Variants in TMCC1 observed in about 807,000 individuals in gnomAD.
The protein encoded by TMCC1 is transmembrane and coiled-coil domains protein 1.
A neutral mutation model predicts 52.4 loss-of-function variants in TMCC1; 15 were observed. That is an observed-to-expected ratio of 0.29 (90% CI 0.19 to 0.44). The LOEUF (loss-of-function observed/expected upper bound fraction) is 0.44. Ranked by LOEUF, TMCC1 falls within the 20% of genes least tolerant of loss-of-function variation. TMCC1 has a pLI of 1.00. For synonymous variants in TMCC1, 279 were observed against 301.9 expected (o/e 0.92, Z 0.79); for missense variants, 503 against 806.0 (o/e 0.62, Z 4.55).
At position 129,828,286 on chromosome 3, in the gene TMCC1, T is replaced by A; in HGVS notation, c.93A>T (p.Glu31Asp). The change falls in exon 4 of 7, where the codon GAA (glutamate) becomes GAT (aspartate). Residue 31 changes from glutamate to aspartate, a missense_variant. Glu to Asp is a conservative substitution (Grantham distance 45). This residue lies in a region of TMCC1 where 217 missense variants were observed against 297.9 expected (regional missense o/e 0.73). Coordinates refer to ENST00000393238, the MANE Select transcript of TMCC1 (RefSeq NM_001017395.5). This position sits in a 1 kb window ranked among gnomAD's most constrained non-coding sequence, Gnocchi z 4.1. ...DAEARKQTESEQKLSKMTHNA... is the reference protein window; with the variant it reads ...DAEARKQTESDQKLSKMTHNA... ...TGTGGGTCATTTTAGACAATTTTTGTTCTGATTCTGTCTGCTTTCTGGCCT... is the reference window on the plus strand; with the variant it reads ...TGTGGGTCATTTTAGACAATTTTTGATCTGATTCTGTCTGCTTTCTGGCCT... 1.2e-6 allele frequency: 2 copies of A among 1,614,176 alleles called. No individual in the cohort carries two copies. Among genetic ancestry groups the A allele is most frequent in the Non-Finnish European group, 1.7e-6 (2 of 1,180,028 alleles).
chr3:129,654,654 A>T (rs576356726), intron 6 of TMCC1, among the ~76,000 whole-genome samples: 1 of 152,338 alleles, frequency 6.6e-6, no homozygotes, highest in East Asian at 1.9e-4. Context: ...AGACAAGGAC[A>T]AAATGGCCCA....
chr3:129,747,773 T>C (rs569275175), intron 4 of TMCC1, among the ~76,000 whole-genome samples: 22 of 152,224 alleles, frequency 1.4e-4, no homozygotes, highest in African/African-American at 3.4e-4. Flanking sequence ...CCCCTTATCA[T>C]CACGCTGTAC....
intron 4 of TMCC1, among the ~76,000 whole-genome samples, chr3:129,768,573 A>C (rs2054307467): frequency 6.6e-6 from 1 of 152,304 alleles, no homozygotes; most frequent in Non-Finnish European, 1.5e-5. Context: ...TCTTTTTCTC[A>C]TGAATACAGT....
At chr3:129,772,837 T>G (rs569202375) in intron 4 of TMCC1, among the ~76,000 whole-genome samples, 44 of 151,880 alleles carry the variant, frequency 2.9e-4, no homozygotes, top group Non-Finnish European at 5.3e-4. Context: ...AAAATTACAC[T>G]GAGATACCAC....
chr3:129,689,401 G>A (rs987806233), intron 4 of TMCC1, among the ~76,000 whole-genome samples: 10 of 152,138 alleles, frequency 6.6e-5, no homozygotes, highest in Admixed American at 6.5e-5. Context: ...AGCAGTTGTG[G>A]GGAACACACA....
At chr3:129,769,808 T>C (rs1478215621) in intron 4 of TMCC1, among the ~76,000 whole-genome samples, 1 of 152,166 alleles carries the variant, frequency 6.6e-6, no homozygotes, top group Non-Finnish European at 1.5e-5. Context: ...ACCACACTCC[T>C]CAGGGGACAT....
chr3:129,825,196 T>C (rs1243704989), intron 4 of TMCC1, among the ~76,000 whole-genome samples: 1 of 152,244 alleles, frequency 6.6e-6, no homozygotes, highest in Non-Finnish European at 1.5e-5. Flanking sequence ...GGGAGAACAG[T>C]ACACCTGCAT....
At chr3:129,747,204 A>T (rs1236745643) in intron 4 of TMCC1, among the ~76,000 whole-genome samples, 1 of 152,106 alleles carries the variant, frequency 6.6e-6, no homozygotes, top group African/African-American at 2.4e-5. Context: ...CATATATATA[A>T]AAAAAAGTTC....
At chr3:129,732,497 C>A (rs2050622341) in intron 4 of TMCC1, among the ~76,000 whole-genome samples, 1 of 152,100 alleles carries the variant, frequency 6.6e-6, no homozygotes, top group Admixed American at 6.5e-5. Context: ...TGAATAAGCT[C>A]AAAAATTCAT....
At chr3:129,723,595 T>A (rs897245154) in intron 4 of TMCC1, among the ~76,000 whole-genome samples, 3 of 152,144 alleles carry the variant, frequency 2.0e-5, no homozygotes, top group Admixed American at 2.0e-4. Context: ...TGACACTTAC[T>A]CTGCAATGAA....
chr3:129,802,242 A>G (rs1182098676), intron 4 of TMCC1, among the ~76,000 whole-genome samples: 1 of 152,202 alleles, frequency 6.6e-6, no homozygotes, highest in Admixed American at 6.5e-5. Flanking sequence ...GGGCCTCACA[A>G]AGGACAAAAC....
At chr3:129,847,402 G>C (rs948430820) in intron 2 of TMCC1, 1 of 152,172 alleles carries the variant, frequency 6.6e-6, no homozygotes, top group Non-Finnish European at 1.5e-5. Flanking sequence ...AAAATCTATT[G>C]CAAGAAGTTA....
chr3:129,887,882 T>C (rs1468350532), intron 1 of TMCC1, among the ~76,000 whole-genome samples: 1 of 152,186 alleles, frequency 6.6e-6, no homozygotes, highest in Non-Finnish European at 1.5e-5. Context: ...TAAACTTTAA[T>C]GTGTGCAAAT....
chr3:129,850,285 GT>G (rs1185102141), intron 2 of TMCC1, among the ~76,000 whole-genome samples: 9 of 152,104 alleles, frequency 5.9e-5, no homozygotes. Flanking sequence ...AAGAATCTTA[GT>G]TTTTTTCTCT....
Position 129,710,325 on chromosome 3 carries a change from T to G in TMCC1, c.577-39061A>C, listed in dbSNP as rs188899347. Among the ~76,000 whole-genome samples, 45 of 152,278 alleles carry G rather than the reference T, an allele frequency of 3.0e-4. No homozygotes were observed. In the East Asian group the frequency reaches 7.9e-3, roughly 27 times the overall value. Reference sequence around the variant, plus strand: ...ATTATTCCATTTTATTTTTCCAAATTTTTAAGTTTTTTGAGATGGGGGAAT... The same window carrying G: ...ATTATTCCATTTTATTTTTCCAAATGTTTAAGTTTTTTGAGATGGGGGAAT... On this transcript the variant is annotated intron_variant, in intron 4 of 6. Transcript: ENST00000393238.
chr3:129,752,407 C>A (rs1448312453), intron 4 of TMCC1, among the ~76,000 whole-genome samples: 1 of 152,174 alleles, frequency 6.6e-6, no homozygotes, highest in Non-Finnish European at 1.5e-5. Flanking sequence ...ACTATACTCA[C>A]CCTGGGAGGT....
At chr3:129,687,546 A>C (rs1314171624) in intron 4 of TMCC1, among the ~76,000 whole-genome samples, 1 of 152,220 alleles carries the variant, frequency 6.6e-6, no homozygotes, top group Non-Finnish European at 1.5e-5. Flanking sequence ...AATAACGGCT[A>C]ATATGTATAA....
chr3:129,806,181 G>C (rs1437030571), intron 4 of TMCC1, among the ~76,000 whole-genome samples: 1 of 152,174 alleles, frequency 6.6e-6, no homozygotes, highest in Non-Finnish European at 1.5e-5. Context: ...GGGAAGCATG[G>C]ATTAAACGCG....
intron 4 of TMCC1, among the ~76,000 whole-genome samples, chr3:129,716,725 C>T (rs746288818): frequency 3.3e-5 from 5 of 152,162 alleles, no homozygotes; most frequent in Non-Finnish European, 7.4e-5. Context: ...AGATAAAGCA[C>T]CCTCACCTGT....
Sources: allele counts gnomAD v4.1 joint callset (sites outside exome capture counted in the v4.1 genomes callset), GRCh38; gene constraint gnomAD v4.1.1; regional missense constraint gnomAD v4.1.1; non-coding constraint Gnocchi (gnomAD v3.1); transcripts MANE v1.5; gene names NCBI Gene and HGNC (gene_info 2026-07-23, HGNC 2026-07-21).